The following MYO3A variants were observed in gnomAD, a reference collection of about 807,000 sequenced individuals.
MYO3A encodes myosin IIIA, also known as myosin-IIIa.
A neutral mutation model predicts 192.7 loss-of-function variants in MYO3A; 180 were observed. That is an observed-to-expected ratio of 0.93 (90% CI 0.83 to 1.06). MYO3A has a LOEUF of 1.06. Among genes scored for constraint, MYO3A ranks in the 50% least tolerant of loss-of-function variants. The pLI is 0.00. For missense variants in MYO3A, 1,896 were observed against 1,905.0 expected (o/e 1.00, Z 0.09); for synonymous variants, 628 against 645.3 (o/e 0.97, Z 0.41).
At chr10:26,178,535 A>G (rs1379107208) in intron 31 of MYO3A, among the ~76,000 whole-genome samples, 1 of 150,814 alleles carries the variant, frequency 6.6e-6, no homozygotes, top group Non-Finnish European at 1.5e-5. Context: ...CCTGGGTGAC[A>G]GAGCGAGACT....
intron 21 of MYO3A, 51 bp downstream of exon 21, chr10:26,143,652 C>T (rs1049235989): frequency 6.3e-7 from 1 of 1,593,308 alleles, no homozygotes; most frequent in African/African-American, 1.3e-5. Flanking sequence ...AGAGTCTTGT[C>T]ATTCTGAATG....
intron 18 of MYO3A, 56 bp from the exon 19 acceptor site, chr10:26,125,342 G>T: frequency 1.3e-6 from 2 of 1,500,218 alleles, no homozygotes; most frequent in East Asian, 4.6e-5. Context: ...TTTCATTTTT[G>T]GGGAGTGACC....
Position 26,150,815 on chromosome 10 carries a change from C to T in MYO3A, c.2636-3035C>T, listed in dbSNP as rs570753548. 4.0e-5 allele frequency among the ~76,000 whole-genome samples: 6 copies of T among 151,790 alleles called. No individual in the cohort carries two copies. The South Asian group carries it at 8.3e-4, about 21-fold the overall frequency. On this transcript the variant is annotated intron_variant, in intron 23 of 34. Transcript: ENST00000642920. ...TCTATTTCATTCTCTTTTTCTTTCT[C>T]GTTTATCTTTGTTGTTTTCTTTCTC...
intron 4 of MYO3A, among the ~76,000 whole-genome samples, chr10:25,968,909 T>C (rs924585731): frequency 6.6e-6 from 1 of 152,196 alleles, no homozygotes; most frequent in African/African-American, 2.4e-5. Context: ...GTCATAGTAT[T>C]GCAGTGCTCA....
intron 6 of MYO3A, among the ~76,000 whole-genome samples, chr10:26,003,552 G>A (rs1357191264): frequency 6.6e-6 from 1 of 152,112 alleles, no homozygotes; most frequent in Admixed American, 6.5e-5. Flanking sequence ...AGAGCAAAAT[G>A]ACAAGTGAGG....
chr10:26,175,082 G>A (rs941551564), intron 30 of MYO3A, among the ~76,000 whole-genome samples: 14 of 152,156 alleles, frequency 9.2e-5, no homozygotes, highest in African/African-American at 3.1e-4. Context: ...AAGAAAAAAC[G>A]CAGAGAAAAG....
intron 17 of MYO3A, among the ~76,000 whole-genome samples, chr10:26,114,927 G>A (rs1449446492): frequency 6.6e-6 from 1 of 152,176 alleles, no homozygotes; most frequent in Non-Finnish European, 1.5e-5. Context: ...GAACACCCCA[G>A]AATGGGAAAA....
chr10:25,947,389 CTTTTTTTTTTT>C (rs869281200), intron 2 of MYO3A, among the ~76,000 whole-genome samples: 5 of 91,866 alleles, frequency 5.4e-5, no homozygotes, highest in Non-Finnish European at 1.0e-4. Context: ...TTTTCTTTTT[CTTTTTTTTTTT>C]TTTTTTTTTT....
chr10:26,082,610 T>A (rs1836030277), intron 14 of MYO3A, among the ~76,000 whole-genome samples: 1 of 152,202 alleles, frequency 6.6e-6, no homozygotes, highest in African/African-American at 2.4e-5. Flanking sequence ...AAACCCTATA[T>A]ATACTATTTT....
chr10:26,078,785 G>T (rs558022156), intron 14 of MYO3A, among the ~76,000 whole-genome samples: 1 of 152,082 alleles, frequency 6.6e-6, no homozygotes, highest in Non-Finnish European at 1.5e-5. Flanking sequence ...TCAGGAGCAG[G>T]TTATTTGATT....
chr10:26,140,445 A>G (rs1428097550), intron 20 of MYO3A, among the ~76,000 whole-genome samples: 3 of 152,176 alleles, frequency 2.0e-5, no homozygotes, highest in Non-Finnish European at 4.4e-5. Flanking sequence ...GCACTTTGGG[A>G]GGCTGAGGCA....
intron 2 of MYO3A, among the ~76,000 whole-genome samples, chr10:25,946,269 G>A (rs1395805710): frequency 1.3e-5 from 2 of 152,122 alleles, no homozygotes; most frequent in East Asian, 1.9e-4. Flanking sequence ...TTCTTGTAGG[G>A]CAGATGGAGT....
intron 14 of MYO3A, among the ~76,000 whole-genome samples, chr10:26,081,177 C>T (rs1588919284): frequency 7.4e-6 from 1 of 135,792 alleles, no homozygotes; most frequent in Non-Finnish European, 1.6e-5. Context: ...AGGGAAGGAC[C>T]GTCAGGCGGG....
chr10:26,211,486 C>T lies in MYO3A; in HGVS notation c.4731-357C>T, dbSNP rs80056002. On this transcript the variant is annotated intron_variant, in intron 34 of 34. Coordinates refer to ENST00000642920, the MANE Select transcript of MYO3A (RefSeq NM_017433.5). ...TGGGCACTTTGAGTTTTTTGTTTGA[C>T]CAAAGTGTGTTAAAATTAAGGTATT... 4.1e-3 allele frequency among the ~76,000 whole-genome samples: 627 copies of T among 152,172 alleles called. 3 individuals are homozygous for T. The highest frequency in any genetic ancestry group is 0.015 in the African/African-American group (608 of 41,502).
At chr10:26,030,773 G>A (rs72789957) in intron 10 of MYO3A, among the ~76,000 whole-genome samples, 15,427 of 152,130 alleles carry the variant, frequency 0.1, 848 homozygotes, top group Non-Finnish European at 0.12. Flanking sequence ...TAAAGAAAAT[G>A]GTCCTAATAT....
At chr10:26,029,536 C>T (rs1042479549) in intron 10 of MYO3A, among the ~76,000 whole-genome samples, 12 of 152,112 alleles carry the variant, frequency 7.9e-5, no homozygotes, top group African/African-American at 1.7e-4. Context: ...GTCTAGATAT[C>T]TTATATACCA....
Position 26,089,383 on chromosome 10 carries a change from C to T in MYO3A, c.1562+978C>T, listed in dbSNP as rs532047362. On this transcript the variant is annotated intron_variant, in intron 15 of 34. Coordinates refer to ENST00000642920, the MANE Select transcript of MYO3A (RefSeq NM_017433.5). ...TTGGGAGGCCAAGGCGGGTGGATCACGCGGTCAGGAGATTGAGACCATCCT... is the reference window on the plus strand; with the variant it reads ...TTGGGAGGCCAAGGCGGGTGGATCATGCGGTCAGGAGATTGAGACCATCCT... 9.9e-5 allele frequency among the ~76,000 whole-genome samples: 15 copies of T among 152,110 alleles called. No individual in the cohort carries two copies. The East Asian group carries it at 2.3e-3, about 24-fold the overall frequency.
intron 17 of MYO3A, among the ~76,000 whole-genome samples, chr10:26,098,305 G>C (rs1382962427): frequency 6.6e-6 from 1 of 152,140 alleles, no homozygotes; most frequent in Non-Finnish European, 1.5e-5. Context: ...GTAGATTCTG[G>C]ATATAAGCCC....
At chr10:26,102,163 A>T (rs1030584788) in intron 17 of MYO3A, among the ~76,000 whole-genome samples, 2 of 152,104 alleles carry the variant, frequency 1.3e-5, no homozygotes, top group Non-Finnish European at 2.9e-5. Flanking sequence ...TCAATCACTG[A>T]TACTCTTTCT....
Sources: gnomAD v4.1 joint callset for allele counts (sites outside exome capture counted in the v4.1 genomes callset) on GRCh38, gnomAD v4.1.1 for gene constraint, MANE v1.5 for transcripts, NCBI Gene and HGNC (gene_info 2026-07-23, HGNC 2026-07-21) for gene names.